Variants in ATP8B4 observed in about 807,000 individuals in gnomAD.
ATP8B4 encodes the protein probable phospholipid-transporting ATPase IM.
In ATP8B4, 133 loss-of-function variants were observed where a neutral mutation model predicts 145.6. The ratio of observed to expected loss-of-function variants is 0.91; its 90% CI spans 0.79 to 1.05. ATP8B4 has a LOEUF of 1.05. Ranked by LOEUF, ATP8B4 falls within the 50% of genes least tolerant of loss-of-function variation. The probability of loss-of-function intolerance (pLI) is 0.00; values close to 1 mark genes in which losing one functional copy is unlikely to be tolerated. For synonymous variants in ATP8B4, 507 were observed against 492.9 expected, an observed-to-expected ratio of 1.03 and a Z score of -0.38; for missense variants, 1,458 against 1,425.2, an observed-to-expected ratio of 1.02 and a Z score of -0.37.
chr15:49,881,467 G>T (rs1208838881), intron 23 of ATP8B4, among the ~76,000 whole-genome samples: 1 of 152,194 alleles, frequency 6.6e-6, no homozygotes, highest in Non-Finnish European at 1.5e-5. Flanking sequence ...GAATCAGTAT[G>T]GGCCAGTTCC....
At chr15:50,145,511 T>C (rs1394457561) in intron 1 of ATP8B4, among the ~76,000 whole-genome samples, 2 of 152,190 alleles carry the variant, frequency 1.3e-5, no homozygotes, top group Non-Finnish European at 2.9e-5. Flanking sequence ...ACTCCACAGC[T>C]CATCATTCCA....
intron 19 of ATP8B4, among the ~76,000 whole-genome samples, chr15:49,917,974 T>C (rs1008098976): frequency 6.6e-6 from 1 of 152,242 alleles, no homozygotes; most frequent in African/African-American, 2.4e-5. Context: ...GTTTATTTTT[T>C]GTGATCAATG....
rs1407080254 is a variant in ATP8B4, at chr15:49,891,542, T to G, written c.2697+5750A>C. ...AGTTTTACTACGTTGGCCAGGCTGG[T>G]CTCAAACTCCTGACCTCAAGCGATC... On this transcript the variant is annotated intron_variant, in intron 23 of 27. Coordinates refer to ENST00000284509, the MANE Select transcript of ATP8B4 (RefSeq NM_024837.4). Among the ~76,000 whole-genome samples the G allele has an allele frequency of 3.3e-5, 5 of 152,142 alleles. No homozygotes were observed. The East Asian group carries it at 9.6e-4, about 29-fold the overall frequency.
In ATP8B4 at chr15:49,876,333, TAGTC is replaced by T; in HGVS notation, c.2968_2971del (p.Asp990ThrfsTer20). 2 of 1,614,098 alleles carry T rather than the reference TAGTC, an allele frequency of 1.2e-6. No homozygotes were observed. The highest frequency in any genetic ancestry group is 1.7e-6 in the Non-Finnish European group (2 of 1,179,968). On this transcript the variant is annotated frameshift_variant, in exon 25 of 28. Coordinates refer to ENST00000284509, the MANE Select transcript of ATP8B4 (RefSeq NM_024837.4). LOFTEE classifies it high-confidence loss of function. Reference sequence around the variant, plus strand: ...GGCCATGGTAACTGCAAAGGACTGGTAGTCAGCAATATGTTGCCCATCTTCTCCA... The same window carrying T: ...GGCCATGGTAACTGCAAAGGACTGGTAGCAATATGTTGCCCATCTTCTCCA...
At chr15:50,140,718 A>G (rs559561261) in intron 1 of ATP8B4, among the ~76,000 whole-genome samples, 1 of 152,346 alleles carries the variant, frequency 6.6e-6, no homozygotes, top group South Asian at 2.1e-4. Context: ...GATTTTTACT[A>G]TATGTTTAGA....
intron 21 of ATP8B4, among the ~76,000 whole-genome samples, chr15:49,898,829 C>T (rs1023352265): frequency 1.1e-4 from 16 of 152,174 alleles, no homozygotes; most frequent in Admixed American, 4.6e-4. Context: ...AGCTGCGTCA[C>T]AGACAGGGTT....
intron 6 of ATP8B4, among the ~76,000 whole-genome samples, chr15:50,032,816 CAGAG>C (rs950991480): frequency 4.6e-5 from 7 of 151,934 alleles, no homozygotes; most frequent in African/African-American, 1.5e-4. Context: ...GAAAAAAAGA[CAGAG>C]AGGAAATATA....
chr15:50,029,198 C>T (rs1352632948), intron 6 of ATP8B4, among the ~76,000 whole-genome samples: 7 of 143,524 alleles, frequency 4.9e-5, no homozygotes, highest in African/African-American at 1.9e-4. Flanking sequence ...ACGCCACACG[C>T]CACTGCACTC....
At chr15:49,962,171 C>G (rs2044138119) in intron 13 of ATP8B4, 151 bp from the exon 14 acceptor site, 1 of 583,048 alleles carries the variant, frequency 1.7e-6, no homozygotes. Context: ...GGAGTGCTTT[C>G]AAATTGTAAC....
At chr15:50,112,729 G>A (rs146699343) in intron 1 of ATP8B4, among the ~76,000 whole-genome samples, 1 of 152,124 alleles carries the variant, frequency 6.6e-6, no homozygotes, top group East Asian at 1.9e-4. Flanking sequence ...GTGAGGTTAA[G>A]TACACAGGTA....
At chr15:49,991,236 C>T (rs2047022952) in intron 9 of ATP8B4, among the ~76,000 whole-genome samples, 1 of 152,116 alleles carries the variant, frequency 6.6e-6, no homozygotes, top group South Asian at 2.1e-4. Context: ...TTTAATTACA[C>T]ACATGCTATT....
intron 1 of ATP8B4, among the ~76,000 whole-genome samples, chr15:50,171,042 A>G (rs2044666148): frequency 6.6e-6 from 1 of 152,208 alleles, no homozygotes. Flanking sequence ...CTAACACTAG[A>G]GCTCCCTAAT....
chr15:50,079,617 A>G (rs2153640206), intron 2 of ATP8B4, among the ~76,000 whole-genome samples: 1 of 152,342 alleles, frequency 6.6e-6, no homozygotes, highest in South Asian at 2.1e-4. Flanking sequence ...TGTTTGATAT[A>G]AAGAACATAA....
chr15:49,877,223 C>T (rs1037358903), intron 24 of ATP8B4, among the ~76,000 whole-genome samples: 1 of 152,178 alleles, frequency 6.6e-6, no homozygotes, highest in African/African-American at 2.4e-5. Flanking sequence ...ACCTAATGTG[C>T]ACACAAATCG....
At chr15:50,159,883 C>T (rs1421826512) in intron 1 of ATP8B4, among the ~76,000 whole-genome samples, 1 of 151,976 alleles carries the variant, frequency 6.6e-6, no homozygotes, top group East Asian at 1.9e-4. Context: ...TGCTAAAATT[C>T]TGTTGATGAT....
At position 49,966,685 on chromosome 15, in the gene ATP8B4, G is replaced by A. The variant is rs72734842; in HGVS notation, c.1244-4665C>T. 9.3e-3 allele frequency among the ~76,000 whole-genome samples: 1,416 copies of A among 152,268 alleles called. 9 individuals are homozygous for A. The highest frequency in any genetic ancestry group is 0.015 in the Non-Finnish European group (1,038 of 68,008). On this transcript the variant is annotated intron_variant, in intron 13 of 27. Transcript: ENST00000284509. ...CACCTGGGGGAAGGGGTGGCTGTGC[G>A]CGCAGCGTCAGCAGAATTATATGTT...
At chr15:49,993,536 C>T (rs571697062) in intron 9 of ATP8B4, among the ~76,000 whole-genome samples, 7 of 152,184 alleles carry the variant, frequency 4.6e-5, no homozygotes, top group Admixed American at 2.0e-4. Context: ...ACTTCCATGC[C>T]GCACCTTGCA....
chr15:50,153,585 C>T (rs2044374986), intron 1 of ATP8B4, among the ~76,000 whole-genome samples: 1 of 152,166 alleles, frequency 6.6e-6, no homozygotes. Flanking sequence ...GATCCGCCCG[C>T]CTTGGCCTCC....
At chr15:49,939,695 T>C (rs1165260330) in intron 14 of ATP8B4, among the ~76,000 whole-genome samples, 1 of 152,186 alleles carries the variant, frequency 6.6e-6, no homozygotes, top group East Asian at 1.9e-4. Flanking sequence ...CTGGTACCAA[T>C]TCTATTGAAA....
Sources: allele counts gnomAD v4.1 joint callset (sites outside exome capture counted in the v4.1 genomes callset), GRCh38; gene constraint gnomAD v4.1.1; transcripts MANE v1.5; gene names NCBI Gene and HGNC (gene_info 2026-07-23, HGNC 2026-07-21).